The following PPP1CB variants were observed in gnomAD, a reference collection of about 807,000 sequenced individuals.
PPP1CB encodes the protein protein phosphatase 1 catalytic subunit beta, also known as serine/threonine-protein phosphatase PP1-beta catalytic subunit.
A neutral mutation model predicts 43.7 loss-of-function variants in PPP1CB; 2 were observed. The ratio of observed to expected loss-of-function variants is 0.05; its 90% CI spans 0.02 to 0.14. The LOEUF is 0.14. Ranked by LOEUF, PPP1CB falls within the 10% of genes least tolerant of loss-of-function variation. PPP1CB has a pLI of 1.00. For synonymous variants in PPP1CB, 136 were observed against 135.6 expected (o/e 1.00, Z -0.02); for missense variants, 84 against 398.0 (o/e 0.21, Z 6.71).
intron 5 of PPP1CB, among the ~76,000 whole-genome samples, chr2:28,787,571 C>T (rs1667297669): frequency 6.6e-6 from 1 of 152,234 alleles, no homozygotes; most frequent in African/African-American, 2.4e-5. Flanking sequence ...TTTACCCACT[C>T]CGTTACCCTC....
chr2:28,757,029 G>A (rs555242704), intron 1 of PPP1CB, among the ~76,000 whole-genome samples: 118 of 152,048 alleles, frequency 7.8e-4, no homozygotes, highest in African/African-American at 2.7e-3. Flanking sequence ...CCCTGTTCCC[G>A]GTAGCAGACA....
At chr2:28,780,744 C>G (rs779403656) in intron 3 of PPP1CB, among the ~76,000 whole-genome samples, 7 of 152,118 alleles carry the variant, frequency 4.6e-5, no homozygotes, top group Non-Finnish European at 1.0e-4. Flanking sequence ...CCTTCCCTAG[C>G]TTAGTAGTTG....
chr2:28,751,976 G>A lies in PPP1CB; in HGVS notation c.-149G>A, dbSNP rs1666296228. The stretch of plus-strand genomic sequence containing the variant: ...TCTCGCTACCCGGCGGGGAGGGGGT[G>A]GGGGGAGGGCCCGGGAAAAGGGGGA... On this transcript the variant is annotated 5_prime_UTR_variant, in exon 1 of 8. Transcript: ENST00000395366. 1.4e-6 allele frequency: 1 copy of A among 711,880 alleles called. No individual in the cohort carries two copies. 44.1% of individuals were successfully genotyped at this position (711,880 alleles called of 1,614,324 possible). A position where few individuals can be genotyped will look rare whatever the true frequency, so the allele number is the denominator to read the frequency against.
At chr2:28,757,164 C>A (rs143677033) in intron 1 of PPP1CB, among the ~76,000 whole-genome samples, 89 of 152,230 alleles carry the variant, frequency 5.8e-4, no homozygotes, top group African/African-American at 2.1e-3. Flanking sequence ...TGACTGGTTT[C>A]TTTTAATGTT....
intron 1 of PPP1CB, among the ~76,000 whole-genome samples, chr2:28,765,423 G>T (rs970597926): frequency 1.3e-5 from 2 of 152,222 alleles, no homozygotes; most frequent in African/African-American, 4.8e-5. Context: ...TTACATTGCA[G>T]ATTAATCACT....
At chr2:28,754,654 A>G (rs1666441023) in intron 1 of PPP1CB, among the ~76,000 whole-genome samples, 1 of 152,230 alleles carries the variant, frequency 6.6e-6, no homozygotes, top group African/African-American at 2.4e-5. Flanking sequence ...GACCTGTTGA[A>G]AGACTTGTCC....
chr2:28,774,258 A>G (rs1043357786), intron 1 of PPP1CB, among the ~76,000 whole-genome samples: 3 of 152,204 alleles, frequency 2.0e-5, no homozygotes, highest in African/African-American at 7.2e-5. Flanking sequence ...TCAAGTTACA[A>G]CTAAGTTTTG....
rs543716895 is a variant in PPP1CB at position 28,802,864 on chromosome 2, T to C, written c.*3561T>C. The stretch of plus-strand genomic sequence containing the variant: ...CATTGGTTGACTTAGACCGTAAGCT[T>C]TTTAAGTTTCTCATTGTAATTTACC... On this transcript the variant is annotated 3_prime_UTR_variant, in exon 8 of 8. Transcript: ENST00000395366. The C allele has an allele frequency of 6.6e-6, 1 of 152,314 alleles. No homozygotes were observed. Among genetic ancestry groups the C allele is most frequent in the Admixed American group, 6.5e-5 (1 of 15,304 alleles). The allele number at this position is 152,314 out of a possible 1,614,324, so 9.4% of individuals were successfully genotyped here.
chr2:28,766,905 C>A (rs1666788973), intron 1 of PPP1CB, among the ~76,000 whole-genome samples: 1 of 152,034 alleles, frequency 6.6e-6, no homozygotes, highest in Non-Finnish European at 1.5e-5. Flanking sequence ...CATGGTGAAA[C>A]CCCGTCTCTA....
chr2:28,796,231 T>A (rs1199094148), intron 7 of PPP1CB, among the ~76,000 whole-genome samples: 1 of 152,162 alleles, frequency 6.6e-6, no homozygotes. Flanking sequence ...GTGTGACGCT[T>A]CTGGCTTTGT....
intron 5 of PPP1CB, among the ~76,000 whole-genome samples, chr2:28,784,886 C>A (rs1667227091): frequency 7.1e-6 from 1 of 140,410 alleles, no homozygotes; most frequent in African/African-American, 2.7e-5. Context: ...CACCACTGCA[C>A]TCCAGCCTGG....
At chr2:28,791,184 C>A (rs1667376840) in intron 6 of PPP1CB, among the ~76,000 whole-genome samples, 1 of 152,058 alleles carries the variant, frequency 6.6e-6, no homozygotes, top group Non-Finnish European at 1.5e-5. Flanking sequence ...TTTCTTTGAT[C>A]CTAAGTGATA....
In PPP1CB at chr2:28,770,905, T is replaced by A. The variant is rs1209490009; in HGVS notation, c.53-5946T>A. Among the ~76,000 whole-genome samples the A allele has an allele frequency of 2.6e-5, 4 of 152,164 alleles. No homozygotes were observed. In the East Asian group the frequency reaches 7.7e-4, roughly 29 times the overall value. ...GCCAAAATCCATTTAATGAAAAACGTGAAAGACTGCCATACTAGAGTATAT... is the reference window on the plus strand; with the variant it reads ...GCCAAAATCCATTTAATGAAAAACGAGAAAGACTGCCATACTAGAGTATAT... On this transcript the variant is annotated intron_variant, in intron 1 of 7. Transcript: ENST00000395366.
At chr2:28,785,668 T>A (rs11883709) in intron 5 of PPP1CB, among the ~76,000 whole-genome samples, 13,495 of 151,754 alleles carry the variant, frequency 0.089, 1,323 homozygotes, top group African/African-American at 0.23. Context: ...TTTTTTTTTT[T>A]AATTAGCCAC....
At chr2:28,790,760 T>C (rs1314789412) in intron 6 of PPP1CB, among the ~76,000 whole-genome samples, 2 of 152,190 alleles carry the variant, frequency 1.3e-5, no homozygotes, top group Non-Finnish European at 2.9e-5. Flanking sequence ...GGATTTGCTT[T>C]AAAATAATAT....
intron 1 of PPP1CB, among the ~76,000 whole-genome samples, chr2:28,764,297 T>A (rs546664600): frequency 0.017 from 2,511 of 151,282 alleles, 60 homozygotes; most frequent in African/African-American, 0.057. Context: ...CGTCTCTACT[T>A]AAAATACAAA....
intron 6 of PPP1CB, among the ~76,000 whole-genome samples, chr2:28,789,701 C>T (rs970673109): frequency 4.0e-5 from 6 of 148,444 alleles, no homozygotes; most frequent in Admixed American, 6.8e-5. Context: ...CAGGCTCAAG[C>T]GATTCTTCTG....
At chr2:28,761,534 A>G (rs1487989747) in intron 1 of PPP1CB, among the ~76,000 whole-genome samples, 9 of 152,170 alleles carry the variant, frequency 5.9e-5, no homozygotes, top group African/African-American at 2.2e-4. Flanking sequence ...GCTTAGTACA[A>G]ACCTGAGCTA....
chr2:28,751,754 T>C, upstream of PPP1CB: 1 of 304,050 alleles, frequency 3.3e-6, no homozygotes, highest in South Asian at 2.8e-5. Flanking sequence ...GAGAGCTGCG[T>C]GACGCGGCGG....
Sources: allele counts gnomAD v4.1 joint callset (sites outside exome capture counted in the v4.1 genomes callset), GRCh38; gene constraint gnomAD v4.1.1; transcripts MANE v1.5; gene names NCBI Gene and HGNC (gene_info 2026-07-23, HGNC 2026-07-21).